Variants in PLCL2 observed in about 807,000 individuals in gnomAD.
PLCL2 encodes phospholipase C like 2.
Under a neutral mutation model 79.6 loss-of-function variants are expected in PLCL2, and 4 were observed. The ratio of observed to expected loss-of-function variants is 0.05; its 90% CI spans 0.02 to 0.11. The LOEUF is 0.11. PLCL2 is among the 10% of genes least tolerant of loss of function. PLCL2 has a pLI of 1.00. For missense variants in PLCL2, 895 were observed against 1,291.0 expected (o/e 0.69, Z 4.70); for synonymous variants, 484 against 457.7 (o/e 1.06, Z -0.73).
intron 1 of PLCL2, among the ~76,000 whole-genome samples, chr3:16,950,275 T>A (rs1040180460): frequency 1.3e-5 from 2 of 152,212 alleles, no homozygotes; most frequent in Non-Finnish European, 2.9e-5. Flanking sequence ...GGACAAGATA[T>A]GTCTCTTCTT....
At chr3:17,012,399 C>T (rs1044037235) in intron 2 of PLCL2, among the ~76,000 whole-genome samples, 5 of 152,138 alleles carry the variant, frequency 3.3e-5, no homozygotes, top group African/African-American at 1.2e-4. Flanking sequence ...TGTTACACAC[C>T]TTCATCCCAG....
At chr3:17,035,367 G>A (rs936469577) in intron 3 of PLCL2, among the ~76,000 whole-genome samples, 13 of 152,218 alleles carry the variant, frequency 8.5e-5, no homozygotes, top group Non-Finnish European at 1.3e-4. Flanking sequence ...GTTGTAAACC[G>A]TAAAGCACTC....
At chr3:16,998,179 A>G (rs1391835548) in intron 1 of PLCL2, among the ~76,000 whole-genome samples, 1 of 136,670 alleles carries the variant, frequency 7.3e-6, no homozygotes, top group African/African-American at 2.8e-5. Flanking sequence ...AGAGTTAAAG[A>G]TTAAAAAATG....
Position 17,011,261 on chromosome 3 carries a change from G to A in PLCL2, c.1915G>A (p.Val639Ile). ...QFKEFQVSFQVQKYWEVCSFN... is the reference protein window; with the variant it reads ...QFKEFQVSFQIQKYWEVCSFN... ...CAAAGAATTTCAGGTGTCGTTTCAG[G>A]TTCAGAAGTACTGGGAAGTCTGTTC... The change falls in exon 2 of 6, where the codon GTT becomes ATT. Residue 639 changes from valine (V) to isoleucine (I), a missense_variant. Transcript: ENST00000615277. This position sits in a 1 kb window ranked among gnomAD's most constrained non-coding sequence, Gnocchi z 7.9. 6 of 1,614,214 alleles carry A rather than the reference G, an allele frequency of 3.7e-6. No homozygotes were observed. The highest frequency in any genetic ancestry group is 4.2e-6 in the Non-Finnish European group (5 of 1,180,034).
intron 1 of PLCL2, among the ~76,000 whole-genome samples, chr3:16,923,364 A>G (rs1392466158): frequency 6.6e-6 from 1 of 152,230 alleles, no homozygotes; most frequent in Non-Finnish European, 1.5e-5. Context: ...CACAGCTGCA[A>G]AAGGAGCAAG....
chr3:16,891,648 C>T (rs1418508579), intron 1 of PLCL2, among the ~76,000 whole-genome samples: 1 of 152,204 alleles, frequency 6.6e-6, no homozygotes, highest in African/African-American at 2.4e-5. Context: ...TTGCTTTGCC[C>T]AGGACAATCC....
At chr3:17,036,222 G>A (rs1034672996) in intron 3 of PLCL2, among the ~76,000 whole-genome samples, 4 of 152,158 alleles carry the variant, frequency 2.6e-5, no homozygotes, top group Admixed American at 2.0e-4. Flanking sequence ...GGAAAGGGGA[G>A]CTGGGTTTAA....
chr3:17,048,488 C>T (rs953198383), intron 4 of PLCL2, among the ~76,000 whole-genome samples: 3 of 152,128 alleles, frequency 2.0e-5, no homozygotes, highest in Admixed American at 6.6e-5. Context: ...ATAAAATATG[C>T]ACAAATCTGT....
At chr3:17,038,706 A>C (rs1434241331) in intron 3 of PLCL2, among the ~76,000 whole-genome samples, 1 of 152,216 alleles carries the variant, frequency 6.6e-6, no homozygotes, top group Non-Finnish European at 1.5e-5. Flanking sequence ...ACATTGTTCT[A>C]AAAAACAACT....
rs377519298 is a variant in PLCL2 at position 16,886,270 on chromosome 3, G to T, written c.327+904G>T. Among the ~76,000 whole-genome samples, 1 of 152,140 alleles carries T rather than the reference G, an allele frequency of 6.6e-6. No individual in the cohort carries two copies. Among genetic ancestry groups the T allele is most frequent in the Non-Finnish European group, 1.5e-5 (1 of 68,036 alleles). ...AGCCTTAGGCAAGACCAGCTCATTC[G>T]GCTCGCTCAAGTTTGGAGCAAATGA... On this transcript the variant is annotated intron_variant, in intron 1 of 5. Transcript: ENST00000615277. This position sits in a 1 kb window ranked among gnomAD's most constrained non-coding sequence, Gnocchi z 4.2.
At chr3:16,964,580 T>C (rs1295533524) in intron 1 of PLCL2, among the ~76,000 whole-genome samples, 1 of 152,186 alleles carries the variant, frequency 6.6e-6, no homozygotes, top group East Asian at 1.9e-4. Flanking sequence ...TTCTAGATCC[T>C]TGAGGAATCC....
chr3:17,022,516 G>A (rs1190245445), intron 3 of PLCL2, among the ~76,000 whole-genome samples: 9 of 152,114 alleles, frequency 5.9e-5, no homozygotes, highest in East Asian at 1.9e-4. Context: ...AAGAAAGAAA[G>A]AAAGAAAAGG....
chr3:17,032,723 T>C (rs1447759967), intron 3 of PLCL2, among the ~76,000 whole-genome samples: 1 of 152,168 alleles, frequency 6.6e-6, no homozygotes, highest in Admixed American at 6.5e-5. Flanking sequence ...GGCAATAAAC[T>C]GGTTCTTTTG....
intron 1 of PLCL2, among the ~76,000 whole-genome samples, chr3:16,898,783 A>G (rs1696546536): frequency 6.6e-6 from 1 of 152,278 alleles, no homozygotes; most frequent in South Asian, 2.1e-4. Flanking sequence ...AACAGGGACC[A>G]CGGGATCTAT....
intron 1 of PLCL2, among the ~76,000 whole-genome samples, chr3:16,905,151 A>G (rs1174640338): frequency 1.3e-5 from 2 of 152,146 alleles, no homozygotes; most frequent in African/African-American, 4.8e-5. Flanking sequence ...CCTCTCCTTC[A>G]TGACACAGAC....
At chr3:17,043,210 A>G (rs2064744721) in intron 4 of PLCL2, among the ~76,000 whole-genome samples, 2 of 152,286 alleles carry the variant, frequency 1.3e-5, no homozygotes, top group Non-Finnish European at 2.9e-5. Flanking sequence ...AGGTGTTTCT[A>G]ATGTACAGCC....
At chr3:16,958,091 T>C (rs935199363) in intron 1 of PLCL2, among the ~76,000 whole-genome samples, 1 of 152,244 alleles carries the variant, frequency 6.6e-6, no homozygotes, top group African/African-American at 2.4e-5. Context: ...CTGGTTATTG[T>C]GCTCGTTAGT....
Position 17,090,041 on chromosome 3 carries a change from T to C in PLCL2, c.*129T>C, listed in dbSNP as rs998916343. 4.9e-6 allele frequency: 7 copies of C among 1,414,848 alleles called. No individual in the cohort carries two copies. The African/African-American group carries it at 8.7e-5, about 18-fold the overall frequency. 87.6% of individuals were successfully genotyped at this position (1,414,848 alleles called of 1,614,324 possible). A position where few individuals can be genotyped will look rare whatever the true frequency, so the allele number is the denominator to read the frequency against. ...TTAAAGCACAACTGGAATAGCTAAT[T>C]ACAGTCTATTAAAACTGTGAATGTA... On this transcript the variant is annotated 3_prime_UTR_variant, in exon 6 of 6. Transcript: ENST00000615277.
rs747893839 is a variant in PLCL2 at position 16,997,532 on chromosome 3, CT to C, written c.328-12126del. 1.9e-3 allele frequency among the ~76,000 whole-genome samples: 253 copies of C among 131,662 alleles called. 1 individual carries two copies. The highest frequency in any genetic ancestry group is 4.1e-3 in the African/African-American group (150 of 36,868). The allele number at this position is 131,662 out of a possible 152,430, so 86.4% of individuals were successfully genotyped here. On this transcript the variant is annotated intron_variant, in intron 1 of 5. Coordinates refer to ENST00000615277, the MANE Select transcript of PLCL2 (RefSeq NM_001144382.2). Reference sequence around the variant, plus strand: ...CTCCACATACACATTAATTTCTTTTCTTTTTTTTTTTTTTTTGAGATGGAGT... The same window carrying C: ...CTCCACATACACATTAATTTCTTTTCTTTTTTTTTTTTTTTGAGATGGAGT...
Sources: allele counts gnomAD v4.1 joint callset (sites outside exome capture counted in the v4.1 genomes callset), GRCh38; gene constraint gnomAD v4.1.1; non-coding constraint Gnocchi (gnomAD v3.1); transcripts MANE v1.5; gene names NCBI Gene and HGNC (gene_info 2026-07-23, HGNC 2026-07-21).